CEACAM18: variants seen among roughly 807,000 people sequenced by gnomAD.
CEACAM18 encodes CEA cell adhesion molecule 18, also known as cell adhesion molecule CEACAM18.
Under a neutral mutation model 34.3 loss-of-function variants are expected in CEACAM18, and 33 were observed. The ratio of observed to expected loss-of-function variants is 0.96; its 90% CI spans 0.73 to 1.29. CEACAM18 has a LOEUF of 1.29. Among genes scored for constraint, CEACAM18 ranks in the 50% most tolerant of loss-of-function variants. The probability of loss-of-function intolerance (pLI) is 0.00; values close to 1 mark genes in which losing one functional copy is unlikely to be tolerated. For missense variants in CEACAM18, 474 were observed against 485.0 expected (o/e 0.98, Z 0.21); for synonymous variants, 169 against 180.9 (o/e 0.93, Z 0.53).
intron 5 of CEACAM18, among the ~76,000 whole-genome samples, chr19:51,486,436 T>C (rs1226062646): frequency 6.6e-6 from 1 of 152,102 alleles, no homozygotes; most frequent in African/African-American, 2.4e-5. Flanking sequence ...GGTTGCATCA[T>C]TGTGCCCGGA....
At chr19:51,481,516 C>T (rs375650601) in exon 3 of CEACAM18, 1 of 1,614,024 alleles carries the variant, frequency 6.2e-7, no homozygotes, top group South Asian at 1.1e-5. Flanking sequence ...GATGTGCCTA[C>T]CTCTAGTAGT....
intron 5 of CEACAM18, among the ~76,000 whole-genome samples, chr19:51,488,082 G>T (rs1990034480): frequency 6.6e-6 from 1 of 152,146 alleles, no homozygotes. Context: ...ACAACCACTA[G>T]TCCCTCCTCT....
chr19:51,484,918 G>A, intron 4 of CEACAM18, 69 bp from the exon 5 acceptor site: 2 of 1,513,850 alleles, frequency 1.3e-6, no homozygotes, highest in Non-Finnish European at 8.9e-7. Flanking sequence ...ATGTGGGTGG[G>A]TGAAGAGATG....
chr19:51,483,514 G>T (rs1989953011), intron 4 of CEACAM18, among the ~76,000 whole-genome samples: 2 of 152,210 alleles, frequency 1.3e-5, no homozygotes, highest in African/African-American at 4.8e-5. Context: ...CTCCCAGGGG[G>T]ATAAGAGTAG....
At chr19:51,481,761 G>C (rs1989920545) in intron 3 of CEACAM18, 96 bp downstream of exon 3, 1 of 1,285,360 alleles carries the variant, frequency 7.8e-7, no homozygotes, top group Non-Finnish European at 1.0e-6. Flanking sequence ...GGAGAGAGGG[G>C]GCATCCTGGG....
At chr19:51,490,696 C>A in exon 6 of CEACAM18, 4 of 1,115,642 alleles carry the variant, frequency 3.6e-6, no homozygotes, top group Non-Finnish European at 4.5e-6. Context: ...ATAGGGCCAG[C>A]GAGGCTGAAA....
chr19:51,480,785 G>T, intron 2 of CEACAM18, 105 bp downstream of exon 2: 1 of 1,066,320 alleles, frequency 9.4e-7, no homozygotes, highest in African/African-American at 1.6e-5. Flanking sequence ...TGGAAATCAC[G>T]GAGCCGCCCT....
chr19:51,485,509 G>T (rs755715001), intron 5 of CEACAM18, among the ~76,000 whole-genome samples: 3 of 152,162 alleles, frequency 2.0e-5, no homozygotes, highest in Non-Finnish European at 2.9e-5. Flanking sequence ...AACTATGCAG[G>T]GAGAAGAGAT....
At chr19:51,480,187 G>A in intron 1 of CEACAM18, 146 bp from the exon 2 acceptor site, 1 of 665,392 alleles carries the variant, frequency 1.5e-6, no homozygotes. Context: ...GACAAGCTGG[G>A]GACTCTACCA....
intron 1 of CEACAM18, among the ~76,000 whole-genome samples, chr19:51,479,316 T>C (rs540553345): frequency 7.2e-5 from 11 of 152,274 alleles, no homozygotes; most frequent in African/African-American, 2.4e-4. Flanking sequence ...ACTGCCCATG[T>C]CATATGTGGT....
At chr19:51,490,988 T>A (rs1011419781), downstream of CEACAM18, 1 of 204,674 alleles carries the variant, frequency 4.9e-6, no homozygotes, top group African/African-American at 2.3e-5. Context: ...ACCCATGGAA[T>A]CAACAGCGAT....
intron 1 of CEACAM18, among the ~76,000 whole-genome samples, chr19:51,479,689 T>A (rs781570707): frequency 1.3e-4 from 20 of 151,258 alleles, no homozygotes; most frequent in Non-Finnish European, 2.5e-4. Flanking sequence ...TAGAAGTGAG[T>A]CAGCAAGGAG....
intron 2 of CEACAM18, 103 bp from the exon 3 acceptor site, chr19:51,481,290 C>A: frequency 1.6e-6 from 2 of 1,255,444 alleles, no homozygotes; most frequent in Non-Finnish European, 2.2e-6. Flanking sequence ...TATCTTACAG[C>A]TCTTGGCTTC....
intron 5 of CEACAM18, among the ~76,000 whole-genome samples, chr19:51,486,063 A>G (rs1425065333): frequency 6.6e-6 from 1 of 152,170 alleles, no homozygotes; most frequent in Admixed American, 6.5e-5. Context: ...GGGAATGGCA[A>G]TGATGATGTA....
chr19:51,490,936 T>C, exon 6 of CEACAM18: 1 of 303,222 alleles, frequency 3.3e-6, no homozygotes. Flanking sequence ...TCCAAGCGCC[T>C]CCTCCCTCAG....
chr19:51,489,696 T>C (rs2122195846), intron 5 of CEACAM18, among the ~76,000 whole-genome samples: 1 of 152,284 alleles, frequency 6.6e-6, no homozygotes. Context: ...TTACTTGCCA[T>C]GTGTAAAATG....
intron 5 of CEACAM18, among the ~76,000 whole-genome samples, chr19:51,488,418 T>C (rs929574203): frequency 1.3e-5 from 2 of 152,204 alleles, no homozygotes; most frequent in African/African-American, 4.8e-5. Context: ...ATTTTACACA[T>C]AGCAAGTAAA....
chr19:51,478,940 A>ACGCGCG (rs113102880), intron 1 of CEACAM18, among the ~76,000 whole-genome samples: 1 of 139,250 alleles, frequency 7.2e-6, no homozygotes, highest in East Asian at 2.0e-4. Flanking sequence ...TTACACACAC[A>ACGCGCG]CGCACACGCA....
intron 4 of CEACAM18, among the ~76,000 whole-genome samples, chr19:51,484,627 G>C (rs919972485): frequency 2.0e-5 from 2 of 100,170 alleles, no homozygotes; most frequent in South Asian, 3.3e-4. Flanking sequence ...GTAGCACATA[G>C]TTGGTGCTCA....
Sources: allele counts gnomAD v4.1 joint callset (sites outside exome capture counted in the v4.1 genomes callset), GRCh38; gene constraint gnomAD v4.1.1; transcripts MANE v1.5; gene names NCBI Gene and HGNC (gene_info 2026-07-23, HGNC 2026-07-21).